The following IQCH variants were observed in gnomAD, a reference collection of about 807,000 sequenced individuals.
IQCH encodes the protein IQ motif containing H, also known as IQ domain-containing protein H.
A neutral mutation model predicts 117.0 loss-of-function variants in IQCH; 98 were observed. That is an observed-to-expected ratio of 0.84 (90% confidence interval 0.71 to 0.99). The LOEUF (loss-of-function observed/expected upper bound fraction) is 0.99. Ranked by LOEUF, IQCH falls within the 50% of genes least tolerant of loss-of-function variation. The pLI is 0.00. For missense variants in IQCH, 1,102 were observed against 1,243.8 expected (o/e 0.89, Z 1.72); for synonymous variants, 412 against 448.2 (o/e 0.92, Z 1.02).
chr15:67,288,623 C>T (rs1324424849), intron 4 of IQCH, among the ~76,000 whole-genome samples: 1 of 151,900 alleles, frequency 6.6e-6, no homozygotes, highest in African/African-American at 2.4e-5. Flanking sequence ...TATTTTTAGT[C>T]TATGTGTGTC....
Position 67,274,152 on chromosome 15 carries a change from G to A in IQCH, c.270-5243G>A, listed in dbSNP as rs562464187. On this transcript the variant is annotated intron_variant, in intron 3 of 20. Coordinates refer to ENST00000335894, the MANE Select transcript of IQCH (RefSeq NM_001031715.3). ...AGTATATGTTGGGATGGTCTTATTT[G>A]GGTTGAATCTATTTGGTGTTCTCTG... 3.6e-4 allele frequency among the ~76,000 whole-genome samples: 55 copies of A among 152,188 alleles called. 1 individual carries two copies. The highest frequency in any genetic ancestry group is 1.3e-3 in the African/African-American group (52 of 41,536).
At chr15:67,464,744 T>C (rs991601718) in intron 16 of IQCH, among the ~76,000 whole-genome samples, 1 of 152,186 alleles carries the variant, frequency 6.6e-6, no homozygotes, top group Non-Finnish European at 1.5e-5. Context: ...GTCTTTCTGC[T>C]CTACTGTAGT....
chr15:67,395,272 T>C lies in IQCH; in HGVS notation c.1633-19T>C. On this transcript the variant is annotated intron_variant, in intron 12 of 20. Transcript: ENST00000335894. This position sits in a 1 kb window ranked among gnomAD's most constrained non-coding sequence, Gnocchi z 4.0. ...AAAAAAGGACACCTTTTAACAAGAA[T>C]AATATGATCTTCCCCCAGAAGCATC... 3 of 1,604,436 alleles carry C rather than the reference T, an allele frequency of 1.9e-6. No homozygotes were observed. The highest frequency in any genetic ancestry group is 2.6e-6 in the Non-Finnish European group (3 of 1,174,294).
At chr15:67,446,120 A>T (rs1410001377) in intron 16 of IQCH, among the ~76,000 whole-genome samples, 1 of 152,264 alleles carries the variant, frequency 6.6e-6, no homozygotes, top group Non-Finnish European at 1.5e-5. Context: ...TTCTATTCAT[A>T]TGAAAGACTT....
intron 16 of IQCH, among the ~76,000 whole-genome samples, chr15:67,434,999 AT>A (rs2082104536): frequency 1.6e-5 from 2 of 128,082 alleles, no homozygotes; most frequent in African/African-American, 5.7e-5. Context: ...TTTTTTTTTA[AT>A]TTTTTTTAAT....
chr15:67,417,421 C>G lies in IQCH; in HGVS notation c.2218+370C>G, dbSNP rs1265749009. ...TCCTCACTTACCTACCTTACAGGGT[C>G]ATTGGGTGGATTCAATGAAATACAG... On this transcript the variant is annotated intron_variant, in intron 15 of 20. Transcript: ENST00000335894. The surrounding 1 kb of genome is among the most constrained non-coding windows in gnomAD (Gnocchi z 4.3). 6.6e-6 allele frequency among the ~76,000 whole-genome samples: 1 copy of G among 152,180 alleles called. No homozygotes were observed. Among genetic ancestry groups the G allele is most frequent in the Non-Finnish European group, 1.5e-5 (1 of 68,038 alleles).
chr15:67,422,064 A>G lies in IQCH; in HGVS notation c.2505+487A>G, dbSNP rs1190979625. On this transcript the variant is annotated intron_variant, in intron 16 of 20. Transcript: ENST00000335894. This position sits in a 1 kb window ranked among gnomAD's most constrained non-coding sequence, Gnocchi z 4.7. ...CAATGAGCCGAGATCATGCTACTAC[A>G]CTCCAGCCTGGGTGACAGAGTGAAA... is the stretch of plus-strand genomic sequence containing the variant. Among the ~76,000 whole-genome samples, 1 of 149,524 alleles carries G rather than the reference A, an allele frequency of 6.7e-6. No homozygotes were observed. The highest frequency in any genetic ancestry group is 1.5e-5 in the Non-Finnish European group (1 of 67,556).
intron 4 of IQCH, among the ~76,000 whole-genome samples, chr15:67,294,910 C>CAGATG (rs1966843266): frequency 3.3e-5 from 5 of 152,190 alleles, no homozygotes; most frequent in Admixed American, 1.3e-4. Context: ...TTAAACCTAA[C>CAGATG]CAACTGCTCT....
rs373132206 is a variant in IQCH at position 67,268,251 on chromosome 15, CG to C, written c.269+5036del. 6.8e-4 allele frequency among the ~76,000 whole-genome samples: 103 copies of C among 152,254 alleles called. 4 individuals are homozygous for C. In the East Asian group the frequency reaches 0.012, roughly 17 times the overall value. On this transcript the variant is annotated intron_variant, in intron 3 of 20. Transcript: ENST00000335894. ...CAGTAGGTACACAAAGTGGTGATAA[CG>C]AATGCCAGCAAATGCAAGATTCTCC...
chr15:67,310,457 A>G (rs1967532801), intron 4 of IQCH, among the ~76,000 whole-genome samples: 1 of 152,264 alleles, frequency 6.6e-6, no homozygotes, highest in East Asian at 1.9e-4. Context: ...AGATTAAATA[A>G]GCTAATATGT....
At chr15:67,488,830 C>T (rs529964830) in intron 18 of IQCH, among the ~76,000 whole-genome samples, 43 of 152,200 alleles carry the variant, frequency 2.8e-4, no homozygotes, top group African/African-American at 1.0e-3. Context: ...TGACAGGAGA[C>T]GGAGCTCTGG....
At chr15:67,367,408 A>T (rs532647905) in intron 8 of IQCH, among the ~76,000 whole-genome samples, 31 of 152,024 alleles carry the variant, frequency 2.0e-4, no homozygotes, top group African/African-American at 7.0e-4. Context: ...GCGTCATGAC[A>T]TGTGCCAGTA....
chr15:67,409,381 T>TA (rs2081386461), intron 14 of IQCH, among the ~76,000 whole-genome samples: 1 of 152,190 alleles, frequency 6.6e-6, no homozygotes, highest in African/African-American at 2.4e-5. Context: ...GGAAAAAAGA[T>TA]ACAGCAATTT....
chr15:67,360,261 G>A (rs181915626), intron 8 of IQCH, among the ~76,000 whole-genome samples: 3 of 152,242 alleles, frequency 2.0e-5, no homozygotes, highest in Admixed American at 6.5e-5. Context: ...CCCCCAGCAC[G>A]TGCTTATATG....
chr15:67,404,414 C>T lies in IQCH; in HGVS notation c.2097+4109C>T, dbSNP rs973144371. The T allele has an allele frequency of 7.9e-5, 12 of 152,178 alleles. No individual in the cohort carries two copies. Among genetic ancestry groups the T allele is most frequent in the Non-Finnish European group, 1.8e-4 (12 of 68,040 alleles). The allele number at this position is 152,178 out of a possible 1,614,324, so 9.4% of individuals were successfully genotyped here. Reference sequence around the variant, plus strand: ...GGTCACAGGAGCCATTGCAGGATGGCAGAGCTCGTTGTCCCGTCTAGAATT... The same window carrying T: ...GGTCACAGGAGCCATTGCAGGATGGTAGAGCTCGTTGTCCCGTCTAGAATT... On this transcript the variant is annotated intron_variant, in intron 14 of 20. Transcript: ENST00000335894. The surrounding 1 kb of genome is among the most constrained non-coding windows in gnomAD (Gnocchi z 4.6).
At position 67,500,243 on chromosome 15, in the gene IQCH, C is replaced by T. The variant is rs2083942407; in HGVS notation, c.2971-390C>T. ...TCATTTTAGGGTGACTAGACCAATG[C>T]TTCTCAAATTATCCATAATAAGGAA... is the stretch of plus-strand genomic sequence containing the variant. On this transcript the variant is annotated intron_variant, in intron 20 of 20. Transcript: ENST00000335894. This position sits in a 1 kb window ranked among gnomAD's most constrained non-coding sequence, Gnocchi z 4.4. Among the ~76,000 whole-genome samples, 1 of 152,094 alleles carries T rather than the reference C, an allele frequency of 6.6e-6. No homozygotes were observed. Among genetic ancestry groups the T allele is most frequent in the African/African-American group, 2.4e-5 (1 of 41,392 alleles).
In IQCH at chr15:67,425,042, TTTTG is replaced by T. The variant is rs2081850617; in HGVS notation, c.2505+3469_2505+3472del. The stretch of plus-strand genomic sequence containing the variant: ...TTGTCAGTCTAACAGGTTAAAAATT[TTTTG>T]TTTTATTCAGCATTTCTTTGATTAT... On this transcript the variant is annotated intron_variant, in intron 16 of 20. Transcript: ENST00000335894. The surrounding 1 kb of genome is among the most constrained non-coding windows in gnomAD (Gnocchi z 5.5). Among the ~76,000 whole-genome samples the T allele has an allele frequency of 6.6e-6, 1 of 152,214 alleles. No individual in the cohort carries two copies. Among genetic ancestry groups the T allele is most frequent in the South Asian group, 2.1e-4 (1 of 4,836 alleles).
intron 4 of IQCH, among the ~76,000 whole-genome samples, chr15:67,290,133 A>G (rs1966702251): frequency 6.6e-6 from 1 of 152,070 alleles, no homozygotes; most frequent in African/African-American, 2.4e-5. Flanking sequence ...TCATAATTTC[A>G]TATTTTCCGT....
intron 3 of IQCH, among the ~76,000 whole-genome samples, chr15:67,277,417 A>G (rs1227405708): frequency 2.0e-5 from 3 of 152,034 alleles, no homozygotes; most frequent in African/African-American, 4.8e-5. Context: ...ATTGGGTAAT[A>G]GCATTTAAGA....
Sources: gnomAD v4.1 joint callset for allele counts (sites outside exome capture counted in the v4.1 genomes callset) on GRCh38, gnomAD v4.1.1 for gene constraint, Gnocchi (gnomAD v3.1) non-coding constraint, MANE v1.5 for transcripts, NCBI Gene and HGNC (gene_info 2026-07-23, HGNC 2026-07-21) for gene names.